SVIL: variants seen among roughly 807,000 people sequenced by gnomAD.
The protein encoded by SVIL is archvillin.
A neutral mutation model predicts 240.4 loss-of-function variants in SVIL; 101 were observed. The observed-to-expected ratio is 0.42, with a 90% CI of 0.36 to 0.50. The LOEUF (loss-of-function observed/expected upper bound fraction) is 0.50. Among genes scored for constraint, SVIL ranks in the 20% least tolerant of loss-of-function variants. The pLI is 0.01. For synonymous variants in SVIL, 999 were observed against 1,100.0 expected (o/e 0.91, Z 1.82); for missense variants, 2,512 against 2,818.7 (o/e 0.89, Z 2.46).
intron 1 of SVIL, among the ~76,000 whole-genome samples, chr10:29,688,767 A>C (rs543047362): frequency 6.6e-6 from 1 of 152,226 alleles, no homozygotes; most frequent in African/African-American, 2.4e-5. Flanking sequence ...GATGTGTATC[A>C]GTATGTTTTA....
At chr10:29,490,137 C>T (rs1039798132) in intron 22 of SVIL, among the ~76,000 whole-genome samples, 4 of 152,056 alleles carry the variant, frequency 2.6e-5, no homozygotes, top group Non-Finnish European at 5.9e-5. Context: ...CTCCATTCAT[C>T]GCCCCTGCCA....
chr10:29,520,466 T>A (rs934205462), intron 16 of SVIL, among the ~76,000 whole-genome samples: 1 of 152,196 alleles, frequency 6.6e-6, no homozygotes, highest in African/African-American at 2.4e-5. Flanking sequence ...CCCTTCCCTA[T>A]GCCCCTCAGC....
In SVIL at chr10:29,493,293, T is replaced by G. The variant is rs1450414708; in HGVS notation, c.3940A>C (p.Ser1314Arg). 6.2e-7 allele frequency: 1 copy of G among 1,614,064 alleles called. No individual in the cohort carries two copies. The highest frequency in any genetic ancestry group is 1.7e-5 in the Admixed American group (1 of 60,002). ...CTTCTTGGCATATTATAATCCACGC[T>G]GCGGTAAAATTTGGCAAAGGTTTCA... Reference protein sequence around the residue: ...DDETFAKFYRSVDYNMPRSPV... With the variant: ...DDETFAKFYRRVDYNMPRSPV... The change falls in exon 21 of 38, where the codon AGC becomes CGC. Residue 1314 changes from serine (S) to arginine (R), a missense_variant. By Grantham distance (110) the Ser-to-Arg change is moderately radical. This residue lies in a region of SVIL where 272 missense variants were observed against 406.8 expected (regional missense o/e 0.67). Transcript: ENST00000355867.
intron 3 of SVIL, among the ~76,000 whole-genome samples, chr10:29,561,835 A>C (rs1005845743): frequency 1.3e-5 from 2 of 152,078 alleles, no homozygotes; most frequent in Non-Finnish European, 2.9e-5. Context: ...CGTTATTCTT[A>C]CTTTTGGCCT....
chr10:29,560,141 A>T (rs773543243), intron 3 of SVIL, among the ~76,000 whole-genome samples: 1 of 152,190 alleles, frequency 6.6e-6, no homozygotes, highest in Non-Finnish European at 1.5e-5. Flanking sequence ...CTTACTTCCC[A>T]CAGGAGTAAA....
intron 1 of SVIL, among the ~76,000 whole-genome samples, chr10:29,601,689 G>A (rs1956818849): frequency 6.6e-6 from 1 of 152,212 alleles, no homozygotes; most frequent in African/African-American, 2.4e-5. Flanking sequence ...CCCAGCTCTA[G>A]TGCTTTTTAG....
At chr10:29,579,890 G>A (rs1955863997) in intron 1 of SVIL, among the ~76,000 whole-genome samples, 1 of 152,162 alleles carries the variant, frequency 6.6e-6, no homozygotes, top group South Asian at 2.1e-4. Context: ...TCACTGGGGG[G>A]CGGATGCAAG....
chr10:29,710,646 TAACA>T (rs1245564798), intron 1 of SVIL, among the ~76,000 whole-genome samples: 1 of 152,170 alleles, frequency 6.6e-6, no homozygotes, highest in African/African-American at 2.4e-5. Flanking sequence ...AGTCAGTTAA[TAACA>T]AACACAGACC....
At chr10:29,652,652 A>T (rs1958874637) in intron 3 of SVIL, among the ~76,000 whole-genome samples, 1 of 152,184 alleles carries the variant, frequency 6.6e-6, no homozygotes, top group African/African-American at 2.4e-5. Context: ...GAACTGCTGG[A>T]CTGTTTTCCA....
At chr10:29,714,414 G>A (rs77896298) in intron 1 of SVIL, among the ~76,000 whole-genome samples, 3,555 of 152,220 alleles carry the variant, frequency 0.023, 141 homozygotes, top group African/African-American at 0.079. Context: ...CATTCACCAC[G>A]AGTCTTTCCT....
At chr10:29,638,381 G>T (rs371127261), upstream of SVIL, among the ~76,000 whole-genome samples, 2 of 151,946 alleles carry the variant, frequency 1.3e-5, no homozygotes, top group South Asian at 4.2e-4. Context: ...CAGGAGAATT[G>T]CTTGAACCCG....
chr10:29,600,336 T>C (rs2132835279), intron 1 of SVIL, among the ~76,000 whole-genome samples: 1 of 152,338 alleles, frequency 6.6e-6, no homozygotes, highest in East Asian at 1.9e-4. Context: ...GTTTAGTCAT[T>C]GCCAACTGGA....
At chr10:29,493,713 G>C (rs1588970974) in intron 20 of SVIL, among the ~76,000 whole-genome samples, 1 of 152,130 alleles carries the variant, frequency 6.6e-6, no homozygotes, top group Non-Finnish European at 1.5e-5. Context: ...CTACGTGAAG[G>C]GTTGGCAAAC....
In SVIL at chr10:29,575,789, C is replaced by CA. The variant is rs550507334; in HGVS notation, c.-200-6478dup. ...ATGACACGGTTTTCTCAATAACTGA[C>CA]AGACACATGTGATGGAATCCTCATG... On this transcript the variant is annotated intron_variant, in intron 1 of 37. Coordinates refer to ENST00000355867, the MANE Select transcript of SVIL (RefSeq NM_021738.3). 2.8e-3 allele frequency among the ~76,000 whole-genome samples: 432 copies of CA among 152,250 alleles called. 2 individuals are homozygous for CA. Among genetic ancestry groups the CA allele is most frequent in the African/African-American group, 1.0e-2 (415 of 41,542 alleles).
chr10:29,552,559 T>C (rs1953471584), intron 5 of SVIL, among the ~76,000 whole-genome samples: 1 of 99,028 alleles, frequency 1.0e-5, no homozygotes, highest in African/African-American at 3.5e-5. Flanking sequence ...TGAGACTCTG[T>C]CTCAAAAAAA....
intron 1 of SVIL, among the ~76,000 whole-genome samples, chr10:29,588,406 TC>T (rs1171180214): frequency 1.3e-5 from 2 of 151,844 alleles, no homozygotes; most frequent in Non-Finnish European, 2.9e-5. Flanking sequence ...TTAAGACACT[TC>T]CTGTGCAGTT....
intron 3 of SVIL, among the ~76,000 whole-genome samples, chr10:29,557,462 C>T (rs760798062): frequency 2.6e-5 from 4 of 152,170 alleles, no homozygotes; most frequent in East Asian, 1.9e-4. Flanking sequence ...GTTAATAAAC[C>T]GAGTATCATG....
At chr10:29,651,618 T>TTTTCTCTCTC (rs1958838466) in intron 3 of SVIL, among the ~76,000 whole-genome samples, 1 of 135,328 alleles carries the variant, frequency 7.4e-6, no homozygotes, top group Non-Finnish European at 1.6e-5. Flanking sequence ...GCCACATGCA[T>TTTTCTCTCTC]TCTCTCTCTC....
At chr10:29,539,845 G>C (rs1952012701) in intron 6 of SVIL, among the ~76,000 whole-genome samples, 1 of 152,174 alleles carries the variant, frequency 6.6e-6, no homozygotes, top group African/African-American at 2.4e-5. Flanking sequence ...TTGTACTGGA[G>C]TCTTCCCTAT....
Sources: gnomAD v4.1 joint callset for allele counts (sites outside exome capture counted in the v4.1 genomes callset) on GRCh38, gnomAD v4.1.1 for gene constraint, gnomAD v4.1.1 regional missense constraint, MANE v1.5 for transcripts, NCBI Gene and HGNC (gene_info 2026-07-23, HGNC 2026-07-21) for gene names.